Variants in RBMS3 observed in about 807,000 individuals in gnomAD.
RBMS3 encodes RNA-binding motif, single-stranded-interacting protein 3.
A neutral mutation model predicts 66.8 loss-of-function variants in RBMS3; 27 were observed. That is an observed-to-expected ratio of 0.40 (90% CI 0.30 to 0.56). The LOEUF is 0.56. Ranked by LOEUF, RBMS3 falls within the 20% of genes least tolerant of loss-of-function variation. The pLI, the probability that RBMS3 is intolerant of heterozygous loss-of-function variation, is 0.40. For synonymous variants in RBMS3, 188 were observed against 183.0 expected (o/e 1.03, Z -0.22); for missense variants, 513 against 549.5 (o/e 0.93, Z 0.66).
At chr3:29,360,553 T>C (rs189804647) in intron 1 of RBMS3, among the ~76,000 whole-genome samples, 73 of 152,150 alleles carry the variant, frequency 4.8e-4, no homozygotes, top group African/African-American at 1.7e-3. Context: ...TCTGTAGATG[T>C]CTATTAGGTC....
intron 1 of RBMS3, among the ~76,000 whole-genome samples, chr3:29,327,483 C>T (rs2035409742): frequency 1.3e-5 from 2 of 152,206 alleles, no homozygotes; most frequent in Admixed American, 1.3e-4. Flanking sequence ...CTTCCTACTT[C>T]TCCCTTCCTC....
At chr3:29,516,521 G>T (rs2044632527) in intron 3 of RBMS3, among the ~76,000 whole-genome samples, 1 of 152,014 alleles carries the variant, frequency 6.6e-6, no homozygotes, top group Non-Finnish European at 1.5e-5. Flanking sequence ...GAGTGCAGTG[G>T]TACAATGATG....
chr3:29,587,118 T>C lies in RBMS3; in HGVS notation c.312T>C (p.Tyr104=), dbSNP rs2047544163. ...GGGGATTTTGTGTTTTCACAGGTTA[T>C]GGTTTTGTAGATTTTGACAGTCCTG... ...LDKNTNQCKG[Y]GFVDFDSPAA... Residue 104 remains tyrosine, a synonymous_variant, in exon 4 of 15, where the codon TAT becomes TAC. Coordinates refer to ENST00000383767, the MANE Select transcript of RBMS3 (RefSeq NM_001003793.3). 6.2e-7 allele frequency: 1 copy of C among 1,607,770 alleles called. No homozygotes were observed. Among genetic ancestry groups the C allele is most frequent in the Admixed American group, 1.7e-5 (1 of 59,032 alleles).
intron 6 of RBMS3, among the ~76,000 whole-genome samples, chr3:29,778,231 T>G (rs1019263053): frequency 6.6e-6 from 1 of 151,912 alleles, no homozygotes; most frequent in African/African-American, 2.4e-5. Context: ...GAATTTCATT[T>G]TTTAATTTCA....
At chr3:29,510,054 G>A (rs1326287017) in intron 3 of RBMS3, among the ~76,000 whole-genome samples, 1 of 152,214 alleles carries the variant, frequency 6.6e-6, no homozygotes, top group Non-Finnish European at 1.5e-5. Context: ...ATTTATCACA[G>A]AGATGGAATA....
At chr3:29,869,525 GAGAA>G (rs2059440024) in intron 7 of RBMS3, among the ~76,000 whole-genome samples, 1 of 152,070 alleles carries the variant, frequency 6.6e-6, no homozygotes, top group Non-Finnish European at 1.5e-5. Context: ...AAAAAAGAGG[GAGAA>G]AAGTTGATAC....
intron 2 of RBMS3, among the ~76,000 whole-genome samples, chr3:29,439,269 A>C (rs2041520650): frequency 6.6e-6 from 1 of 152,196 alleles, no homozygotes; most frequent in East Asian, 1.9e-4. Context: ...TGTCATAAAC[A>C]GGAAGTTCGC....
intron 6 of RBMS3, among the ~76,000 whole-genome samples, chr3:29,852,069 CA>C (rs1442814529): frequency 6.6e-6 from 1 of 152,138 alleles, no homozygotes; most frequent in African/African-American, 2.4e-5. Flanking sequence ...CAAAAACAAG[CA>C]ATGGGAAAAG....
chr3:29,747,902 G>C (rs1343090238), intron 5 of RBMS3, among the ~76,000 whole-genome samples: 1 of 152,128 alleles, frequency 6.6e-6, no homozygotes, highest in Admixed American at 6.6e-5. Flanking sequence ...TTTTAGGCTT[G>C]AAGGTGATGT....
chr3:29,955,024 A>G (rs1695936299), intron 12 of RBMS3, among the ~76,000 whole-genome samples: 1 of 152,058 alleles, frequency 6.6e-6, no homozygotes. Flanking sequence ...GCAGCCCTCT[A>G]ACTCATAACC....
intron 4 of RBMS3, among the ~76,000 whole-genome samples, chr3:29,615,543 A>G (rs1378143335): frequency 6.6e-6 from 1 of 152,142 alleles, no homozygotes; most frequent in African/African-American, 2.4e-5. Flanking sequence ...GATGCTTCAC[A>G]TAAACAATTT....
chr3:29,400,230 C>A (rs2039746616), intron 1 of RBMS3, among the ~76,000 whole-genome samples: 1 of 152,132 alleles, frequency 6.6e-6, no homozygotes, highest in African/African-American at 2.4e-5. Context: ...ACTGAGTTCA[C>A]AAGCACTGTG....
intron 3 of RBMS3, among the ~76,000 whole-genome samples, chr3:29,564,015 A>T (rs1304309140): frequency 3.3e-5 from 5 of 151,840 alleles, no homozygotes; most frequent in Non-Finnish European, 7.4e-5. Context: ...AAAAAAAAAA[A>T]AAGAAAAAGA....
intron 3 of RBMS3, among the ~76,000 whole-genome samples, chr3:29,524,286 C>A (rs960155266): frequency 2.6e-5 from 4 of 152,088 alleles, no homozygotes; most frequent in African/African-American, 9.7e-5. Context: ...AACATGAAAT[C>A]ATGCTGTGAT....
intron 4 of RBMS3, among the ~76,000 whole-genome samples, chr3:29,640,609 C>T (rs1225745830): frequency 3.3e-5 from 5 of 151,870 alleles, no homozygotes; most frequent in African/African-American, 9.7e-5. Flanking sequence ...ACTATTTGAT[C>T]GTGCATAGAT....
chr3:29,489,826 T>C (rs574692656), intron 3 of RBMS3, among the ~76,000 whole-genome samples: 1 of 150,618 alleles, frequency 6.6e-6, no homozygotes, highest in Non-Finnish European at 1.5e-5. Context: ...GGGTGGATCA[T>C]GAGGTCAGGA....
At position 29,587,364 on chromosome 3, in the gene RBMS3, T is replaced by G. The variant is rs192508886; in HGVS notation, c.399+159T>G. Among the ~76,000 whole-genome samples, 336 of 150,944 alleles carry G rather than the reference T, an allele frequency of 2.2e-3. 2 individuals are homozygous for G. The highest frequency in any genetic ancestry group is 7.3e-3 in the African/African-American group (299 of 41,086). ...TCTGAGCTCACTCAAACGTGGAGTT[T>G]GCAACAATTTGGTTTATATTTTCTT... On this transcript the variant is annotated intron_variant, in intron 4 of 14. Coordinates refer to ENST00000383767, the MANE Select transcript of RBMS3 (RefSeq NM_001003793.3).
chr3:29,675,997 T>G (rs1439950846), intron 4 of RBMS3, among the ~76,000 whole-genome samples: 2 of 152,216 alleles, frequency 1.3e-5, no homozygotes, highest in Non-Finnish European at 2.9e-5. Context: ...GTGGCACTAT[T>G]CACAATAGCA....
intron 2 of RBMS3, among the ~76,000 whole-genome samples, chr3:29,477,319 T>C (rs1483553732): frequency 6.6e-6 from 1 of 152,176 alleles, no homozygotes; most frequent in Non-Finnish European, 1.5e-5. Context: ...CATATCACTG[T>C]ACCTGGACAT....
Sources: allele counts gnomAD v4.1 joint callset (sites outside exome capture counted in the v4.1 genomes callset), GRCh38; gene constraint gnomAD v4.1.1; transcripts MANE v1.5; gene names NCBI Gene and HGNC (gene_info 2026-07-23, HGNC 2026-07-21).